Variants in PCDH9 observed in about 807,000 individuals in gnomAD.
PCDH9 encodes protocadherin 9.
Under a neutral mutation model 70.6 loss-of-function variants are expected in PCDH9, and 24 were observed. That is an observed-to-expected ratio of 0.34 (90% confidence interval 0.25 to 0.48). The LOEUF (loss-of-function observed/expected upper bound fraction) is 0.48, where lower values mean the gene tolerates loss of function less well. PCDH9 is among the 20% of genes least tolerant of loss of function. The probability of loss-of-function intolerance (pLI) is 0.99; values close to 1 mark genes in which losing one functional copy is unlikely to be tolerated. For synonymous variants in PCDH9, 562 were observed against 558.5 expected (o/e 1.01, Z -0.09); for missense variants, 1,281 against 1,503.6 (o/e 0.85, Z 2.45).
intron 2 of PCDH9, among the ~76,000 whole-genome samples, chr13:67,117,264 A>G (rs1048723026): frequency 5.9e-5 from 9 of 152,186 alleles, no homozygotes; most frequent in African/African-American, 1.9e-4. Context: ...GAATTGAGCT[A>G]TTGAAGGCGA....
intron 2 of PCDH9, among the ~76,000 whole-genome samples, chr13:67,130,397 T>C (rs2087082885): frequency 6.6e-6 from 1 of 152,180 alleles, no homozygotes; most frequent in African/African-American, 2.4e-5. Flanking sequence ...CAGTGTTTTT[T>C]TTTAACAGAT....
In PCDH9 at chr13:66,712,443, CTT is replaced by C. The variant is rs1823998093; in HGVS notation, c.3139-81034_3139-81033del. Reference sequence around the variant, plus strand: ...AGAGTATTTATTTTCCATAAAATAACTTATATGCAAATGGAAGAATTATTCCT... The same window carrying C: ...AGAGTATTTATTTTCCATAAAATAACATATGCAAATGGAAGAATTATTCCT... On this transcript the variant is annotated intron_variant, in intron 3 of 4. Transcript: ENST00000377865. Among the ~76,000 whole-genome samples the C allele has an allele frequency of 2.6e-5, 4 of 151,956 alleles. No individual in the cohort carries two copies. In the South Asian group the frequency reaches 8.3e-4, roughly 32 times the overall value.
chr13:66,888,415 T>C (rs1173479432), intron 3 of PCDH9, among the ~76,000 whole-genome samples: 2 of 151,748 alleles, frequency 1.3e-5, no homozygotes, highest in Non-Finnish European at 2.9e-5. Flanking sequence ...GGTGGGAGGA[T>C]TGCTTGAGCC....
intron 3 of PCDH9, among the ~76,000 whole-genome samples, chr13:66,743,630 TAA>T (rs781483415): frequency 2.3e-4 from 35 of 152,122 alleles, no homozygotes; most frequent in Non-Finnish European, 4.0e-4. Flanking sequence ...CAAAAATTGC[TAA>T]GAGAGTAGAT....
At chr13:66,525,517 C>T (rs1960174778) in intron 4 of PCDH9, among the ~76,000 whole-genome samples, 1 of 152,054 alleles carries the variant, frequency 6.6e-6, no homozygotes, top group African/African-American at 2.4e-5. Context: ...TTGTCTAAAT[C>T]TTTTTCCATC....
At chr13:66,723,956 T>G (rs983161300) in intron 3 of PCDH9, among the ~76,000 whole-genome samples, 2 of 152,202 alleles carry the variant, frequency 1.3e-5, no homozygotes, top group African/African-American at 4.8e-5. Flanking sequence ...ATGGTTTTCC[T>G]TAATTGGAAG....
At chr13:66,989,896 A>C (rs2083967521) in intron 2 of PCDH9, among the ~76,000 whole-genome samples, 1 of 151,910 alleles carries the variant, frequency 6.6e-6, no homozygotes, top group Non-Finnish European at 1.5e-5. Flanking sequence ...AGAACAATTA[A>C]GAATTACTAT....
In PCDH9 at chr13:67,226,091, T is replaced by C. The variant is rs2089861690; in HGVS notation, c.2350A>G (p.Ile784Val). The change falls in exon 2 of 5, where the codon ATC becomes GTC. Residue 784 changes from isoleucine (I) to valine (V), a missense_variant. Ile to Val is a conservative substitution (Grantham distance 29). This residue lies in a region of PCDH9 where 798 missense variants were observed against 1,003.1 expected (regional missense o/e 0.80). Coordinates refer to ENST00000377865, the MANE Select transcript of PCDH9 (RefSeq NM_203487.3). The surrounding 1 kb of genome is among the most constrained non-coding windows in gnomAD (Gnocchi z 5.0). ...ATAGTCCTGCGGATCAAGTCATAGA[T>C]ATAGGAGGCATTTCCAGCAGTGTCG... ...VNDTAGNASYIYDLIRRTMET... is the reference protein window; with the variant it reads ...VNDTAGNASYVYDLIRRTMET... The C allele has an allele frequency of 6.2e-7, 1 of 1,613,892 alleles. No homozygotes were observed. The highest frequency in any genetic ancestry group is 8.5e-7 in the Non-Finnish European group (1 of 1,179,956).
intron 3 of PCDH9, among the ~76,000 whole-genome samples, chr13:66,746,956 C>G (rs992464938): frequency 6.6e-6 from 1 of 151,956 alleles, no homozygotes; most frequent in African/African-American, 2.4e-5. Context: ...AGATTTCTTG[C>G]TATTTTTTCC....
At chr13:66,771,699 A>T (rs1221892262) in intron 3 of PCDH9, among the ~76,000 whole-genome samples, 1 of 152,218 alleles carries the variant, frequency 6.6e-6, no homozygotes. Flanking sequence ...CTAGGTTCAA[A>T]TTTTGGACTC....
chr13:66,633,300 G>A (rs1286981438), intron 3 of PCDH9, among the ~76,000 whole-genome samples: 2 of 152,122 alleles, frequency 1.3e-5, no homozygotes, highest in Non-Finnish European at 1.5e-5. Context: ...CAAAGGTTTT[G>A]AAACGTGCCT....
At chr13:66,637,292 A>G (rs118092240) in intron 3 of PCDH9, among the ~76,000 whole-genome samples, 1,662 of 152,326 alleles carry the variant, frequency 0.011, 20 homozygotes, top group Middle Eastern at 0.017. Flanking sequence ...GGTAACAAAT[A>G]TTAATACACA....
At chr13:66,560,420 G>A (rs946918919) in intron 4 of PCDH9, among the ~76,000 whole-genome samples, 2 of 151,084 alleles carry the variant, frequency 1.3e-5, no homozygotes, top group African/African-American at 4.9e-5. Flanking sequence ...ACAATGTAAG[G>A]AGCTGGACCT....
intron 2 of PCDH9, among the ~76,000 whole-genome samples, chr13:66,937,822 T>C (rs1310640564): frequency 2.6e-4 from 1 of 3,828 alleles, no homozygotes; most frequent in Non-Finnish European, 9.3e-4. Context: ...CACTTTACCT[T>C]TTTTTTTTTT....
chr13:67,109,126 T>C (rs1305186613), intron 2 of PCDH9, among the ~76,000 whole-genome samples: 1 of 152,168 alleles, frequency 6.6e-6, no homozygotes, highest in Non-Finnish European at 1.5e-5. Flanking sequence ...TCTCACAAAT[T>C]TGAAATTTTT....
intron 2 of PCDH9, chr13:67,215,502 G>A (rs2089581735): frequency 6.6e-6 from 1 of 152,052 alleles, no homozygotes; most frequent in Non-Finnish European, 1.5e-5. Context: ...GTACTGAAAG[G>A]TTTAAATAAA....
intron 3 of PCDH9, among the ~76,000 whole-genome samples, chr13:66,885,647 G>A (rs2139551132): frequency 6.6e-6 from 1 of 152,204 alleles, no homozygotes; most frequent in South Asian, 2.1e-4. Flanking sequence ...ACTAGCTGAT[G>A]TTACTGAATT....
chr13:66,870,775 T>A (rs1480237900), intron 3 of PCDH9, among the ~76,000 whole-genome samples: 1 of 152,210 alleles, frequency 6.6e-6, no homozygotes, highest in Non-Finnish European at 1.5e-5. Context: ...TAGGAACACT[T>A]TGACACTGGT....
chr13:66,713,428 T>A (rs890556598), intron 3 of PCDH9, among the ~76,000 whole-genome samples: 3 of 151,546 alleles, frequency 2.0e-5, no homozygotes, highest in Non-Finnish European at 4.4e-5. Flanking sequence ...TTTTCTTTTT[T>A]TCTTCTTACT....
Sources: gnomAD v4.1 joint callset for allele counts (sites outside exome capture counted in the v4.1 genomes callset) on GRCh38, gnomAD v4.1.1 for gene constraint, gnomAD v4.1.1 regional missense constraint, Gnocchi (gnomAD v3.1) non-coding constraint, MANE v1.5 for transcripts, NCBI Gene and HGNC (gene_info 2026-07-23, HGNC 2026-07-21) for gene names.